The following KALRN variants were observed in gnomAD, a reference collection of about 807,000 sequenced individuals.
KALRN encodes kalirin.
A neutral mutation model predicts 353.7 loss-of-function variants in KALRN; 70 were observed. The ratio of observed to expected loss-of-function variants is 0.20; its 90% CI spans 0.16 to 0.24. The LOEUF (loss-of-function observed/expected upper bound fraction) is 0.24, where lower values mean the gene tolerates loss of function less well. KALRN is among the 10% of genes least tolerant of loss of function. The probability of loss-of-function intolerance (pLI) is 1.00; values close to 1 mark genes in which losing one functional copy is unlikely to be tolerated. For synonymous variants in KALRN, 1,391 were observed against 1,434.8 expected (o/e 0.97, Z 0.69); for missense variants, 2,791 against 3,756.7 (o/e 0.74, Z 6.72).
intron 6 of KALRN, among the ~76,000 whole-genome samples, chr3:124,324,393 G>A (rs1409871035): frequency 6.6e-6 from 1 of 152,182 alleles, no homozygotes; most frequent in African/African-American, 2.4e-5. Context: ...TCTAAGTGCA[G>A]AGTGGTTTTT....
chr3:124,269,301 A>G, intron 5 of KALRN, 46 bp downstream of exon 5: 1 of 1,524,160 alleles, frequency 6.6e-7, no homozygotes, highest in South Asian at 1.3e-5. Context: ...GGGGTGAGGG[A>G]GCAGAGGTTG....
chr3:124,550,731 T>C lies in KALRN; in HGVS notation c.4936-12112T>C, dbSNP rs1248906424. ...AAGACCAGGCGCAGTGGCTCACGCC[T>C]GTAATCCCAGCACTTTGGGAGGCCG... On this transcript the variant is annotated intron_variant, in intron 33 of 59. Coordinates refer to ENST00000682506, the MANE Select transcript of KALRN (RefSeq NM_001388419.1). Among the ~76,000 whole-genome samples, 15 of 152,150 alleles carry C rather than the reference T, an allele frequency of 9.9e-5. 1 individual carries two copies. Among genetic ancestry groups the C allele is most frequent in the Admixed American group, 9.8e-4 (15 of 15,272 alleles).
rs2075531012 is a variant in KALRN at position 124,283,313 on chromosome 3, G to C, written c.969+14058G>C. On this transcript the variant is annotated intron_variant, in intron 5 of 59. Coordinates refer to ENST00000682506, the MANE Select transcript of KALRN (RefSeq NM_001388419.1). ...AGATCTCAGTTTATGTCTAAATTTA[G>C]CTCCGGGATAAAGTTGGGCATTATT... Among the ~76,000 whole-genome samples the C allele has an allele frequency of 2.0e-5, 3 of 152,176 alleles. No homozygotes were observed. In the South Asian group the frequency reaches 6.2e-4, roughly 32 times the overall value.
At chr3:124,646,750 A>G (rs1239945037) in intron 37 of KALRN, among the ~76,000 whole-genome samples, 1 of 151,128 alleles carries the variant, frequency 6.6e-6, no homozygotes, top group Non-Finnish European at 1.5e-5. Flanking sequence ...TAAGAAATAT[A>G]TGCTTATTCA....
chr3:124,141,867 A>G (rs1385410931), intron 1 of KALRN, among the ~76,000 whole-genome samples: 4 of 152,088 alleles, frequency 2.6e-5, no homozygotes, highest in Non-Finnish European at 4.4e-5. Flanking sequence ...TCAGCATCTC[A>G]GAGAAGCAGT....
chr3:124,390,869 C>T (rs1168103812), intron 11 of KALRN, among the ~76,000 whole-genome samples: 2 of 152,050 alleles, frequency 1.3e-5, no homozygotes, highest in Non-Finnish European at 2.9e-5. Flanking sequence ...TGTCTCCTTC[C>T]TTCCTGTCTT....
intron 51 of KALRN, among the ~76,000 whole-genome samples, chr3:124,689,147 A>G (rs565192032): frequency 2.0e-5 from 3 of 152,344 alleles, no homozygotes; most frequent in Non-Finnish European, 4.4e-5. Flanking sequence ...GAGAGAGAAC[A>G]TGTGCATTTT....
intron 27 of KALRN, among the ~76,000 whole-genome samples, chr3:124,479,212 T>C (rs2061718201): frequency 6.6e-6 from 1 of 152,206 alleles, no homozygotes. Flanking sequence ...ATTTCTAGGC[T>C]TTGATAAGTC....
intron 47 of KALRN, among the ~76,000 whole-genome samples, chr3:124,669,266 G>A (rs1020760417): frequency 2.0e-5 from 3 of 152,148 alleles, no homozygotes; most frequent in South Asian, 4.1e-4. Context: ...TAGTGTTAGG[G>A]CACTCATTTA....
At chr3:124,356,964 C>G (rs1018422901) in intron 10 of KALRN, among the ~76,000 whole-genome samples, 2 of 152,162 alleles carry the variant, frequency 1.3e-5, no homozygotes, top group Admixed American at 1.3e-4. Flanking sequence ...CTGTGGACAC[C>G]TCTATTGCAA....
intron 1 of KALRN, among the ~76,000 whole-genome samples, chr3:124,150,158 G>A (rs2067898668): frequency 6.6e-6 from 1 of 152,042 alleles, no homozygotes; most frequent in Admixed American, 6.6e-5. Flanking sequence ...AAGAAAAATT[G>A]TATTTTTATA....
intron 5 of KALRN, among the ~76,000 whole-genome samples, chr3:124,297,826 TC>T (rs1222005636): frequency 2.6e-5 from 4 of 152,190 alleles, no homozygotes; most frequent in Admixed American, 6.5e-5. Flanking sequence ...TTGTCTTGGC[TC>T]CACCCTTTCT....
chr3:124,507,643 T>C (rs1405612788), intron 33 of KALRN, among the ~76,000 whole-genome samples: 3 of 152,218 alleles, frequency 2.0e-5, no homozygotes, highest in Admixed American at 1.3e-4. Flanking sequence ...CCCAGTCTTC[T>C]GAGTTCACAC....
intron 1 of KALRN, among the ~76,000 whole-genome samples, chr3:124,091,443 T>C (rs1339084662): frequency 6.6e-6 from 1 of 152,222 alleles, no homozygotes; most frequent in Admixed American, 6.5e-5. Context: ...GTTGGATCTC[T>C]CCTCCCTCCG....
intron 5 of KALRN, among the ~76,000 whole-genome samples, chr3:124,290,048 T>C (rs2076291339): frequency 6.6e-6 from 1 of 152,130 alleles, no homozygotes; most frequent in Admixed American, 6.5e-5. Context: ...AGATAAGTCA[T>C]TGTAGGATTG....
chr3:124,500,460 C>T (rs774073908), intron 33 of KALRN, among the ~76,000 whole-genome samples: 32 of 152,322 alleles, frequency 2.1e-4, no homozygotes, highest in Non-Finnish European at 2.2e-4. Context: ...CCTTGTCTGA[C>T]TCTTCTTTAA....
chr3:124,685,844 T>C (rs1578944643), intron 51 of KALRN, among the ~76,000 whole-genome samples: 1 of 152,144 alleles, frequency 6.6e-6, no homozygotes, highest in East Asian at 1.9e-4. Context: ...ACCCGTTTCG[T>C]TTACGTTGTA....
chr3:124,112,387 C>G (rs900421375), intron 1 of KALRN, among the ~76,000 whole-genome samples: 6 of 151,488 alleles, frequency 4.0e-5, no homozygotes, highest in Admixed American at 2.6e-4. Flanking sequence ...TTTTCTTGAT[C>G]TAATATACCT....
chr3:124,231,765 A>C (rs2079187316), intron 2 of KALRN, among the ~76,000 whole-genome samples: 1 of 152,136 alleles, frequency 6.6e-6, no homozygotes, highest in African/African-American at 2.4e-5. Context: ...TCATTCCCTA[A>C]AAATTTATGT....
Sources: gnomAD v4.1 joint callset for allele counts (sites outside exome capture counted in the v4.1 genomes callset) on GRCh38, gnomAD v4.1.1 for gene constraint, MANE v1.5 for transcripts, NCBI Gene and HGNC (gene_info 2026-07-23, HGNC 2026-07-21) for gene names.